The following PPFIA2 variants were observed in gnomAD, a reference collection of about 807,000 sequenced individuals.
PPFIA2 encodes PPFI scaffold protein A2.
In PPFIA2, 46 loss-of-function variants were observed where a neutral mutation model predicts 175.5. The ratio of observed to expected loss-of-function variants is 0.26; its 90% CI spans 0.21 to 0.34. The LOEUF is 0.34. Among genes scored for constraint, PPFIA2 ranks in the 10% least tolerant of loss-of-function variants. PPFIA2 has a pLI of 1.00. For missense variants in PPFIA2, 1,179 were observed against 1,506.1 expected, an observed-to-expected ratio of 0.78 and a Z score of 3.60; for synonymous variants, 568 against 511.4, an observed-to-expected ratio of 1.11 and a Z score of -1.49.
In PPFIA2 at chr12:81,288,171, C is replaced by G. The variant is rs141580697; in HGVS notation, c.2926-3868G>C. 6.1e-3 allele frequency among the ~76,000 whole-genome samples: 933 copies of G among 151,924 alleles called. 23 individuals are homozygous for G. Among genetic ancestry groups the G allele is most frequent in the African/African-American group, 0.022 (899 of 41,506 alleles). ...TGTCTAAATTTCAGGTTCTGCACTT[C>G]TTAAGTGGGACTAAAAGTGCATGCT... On this transcript the variant is annotated intron_variant, in intron 24 of 32. Transcript: ENST00000549396.
rs1292384090 is a variant in PPFIA2 at position 81,347,726 on chromosome 12, T to G, written c.2039A>C (p.Glu680Ala). The change falls in exon 18 of 33, where the codon GAA becomes GCA. Residue 680 changes from glutamate (E) to alanine (A), a missense_variant. This residue lies in a region of PPFIA2 where 223 missense variants were observed against 241.6 expected (regional missense o/e 0.92). Transcript: ENST00000549396. ...EKESTELRAE[E>A]IENRVASVSL... The stretch of plus-strand genomic sequence containing the variant: ...CACACTAGCCACTCTATTTTCAATT[T>G]CTTCAGCACGCAACTCTGTAGATTC... 3 of 1,613,916 alleles carry G rather than the reference T, an allele frequency of 1.9e-6. No individual in the cohort carries two copies. Among genetic ancestry groups the G allele is most frequent in the Non-Finnish European group, 2.5e-6 (3 of 1,179,828 alleles).
At chr12:81,352,549 C>T (rs1566369173) in intron 17 of PPFIA2, among the ~76,000 whole-genome samples, 1 of 151,844 alleles carries the variant, frequency 6.6e-6, no homozygotes, top group African/African-American at 2.4e-5. Context: ...ATACCTTCAT[C>T]TTGGACCTTC....
chr12:81,718,800 G>C (rs1206071369), intron 3 of PPFIA2, among the ~76,000 whole-genome samples: 1 of 151,624 alleles, frequency 6.6e-6, no homozygotes, highest in African/African-American at 2.4e-5. Context: ...AACTGTGAGA[G>C]GATGAGAGAC....
At chr12:81,568,609 G>A (rs2071837444) in intron 4 of PPFIA2, among the ~76,000 whole-genome samples, 1 of 152,174 alleles carries the variant, frequency 6.6e-6, no homozygotes. Flanking sequence ...TTTGATCTGA[G>A]AACTCATAAG....
chr12:81,612,804 G>A (rs780707254), intron 4 of PPFIA2, among the ~76,000 whole-genome samples: 146 of 152,268 alleles, frequency 9.6e-4, no homozygotes, highest in South Asian at 1.0e-3. Flanking sequence ...ATGTGTGTAT[G>A]TATATGTGTG....
At chr12:81,565,602 A>G (rs545655830) in intron 4 of PPFIA2, among the ~76,000 whole-genome samples, 1 of 152,320 alleles carries the variant, frequency 6.6e-6, no homozygotes, top group African/African-American at 2.4e-5. Flanking sequence ...ATAGCCTGAG[A>G]AAAATATTTT....
At chr12:81,654,632 T>C (rs2067505492) in intron 4 of PPFIA2, among the ~76,000 whole-genome samples, 1 of 152,078 alleles carries the variant, frequency 6.6e-6, no homozygotes, top group Non-Finnish European at 1.5e-5. Flanking sequence ...AAAATAAACA[T>C]GAGCTCCAAA....
At chr12:81,570,598 G>GT (rs1255133859) in intron 4 of PPFIA2, among the ~76,000 whole-genome samples, 4 of 151,584 alleles carry the variant, frequency 2.6e-5, no homozygotes, top group Admixed American at 1.3e-4. Flanking sequence ...TGCAATCTTG[G>GT]TTTTAAAAAT....
At chr12:81,496,106 C>T (rs1380084533) in intron 4 of PPFIA2, among the ~76,000 whole-genome samples, 1 of 152,014 alleles carries the variant, frequency 6.6e-6, no homozygotes, top group Non-Finnish European at 1.5e-5. Flanking sequence ...GAGCAATGCA[C>T]AATAAAAGAA....
intron 6 of PPFIA2, among the ~76,000 whole-genome samples, chr12:81,442,660 T>C (rs1344998082): frequency 6.6e-6 from 1 of 150,922 alleles, no homozygotes; most frequent in Non-Finnish European, 1.5e-5. Context: ...GAATATTCTA[T>C]GCTACAACTT....
intron 3 of PPFIA2, among the ~76,000 whole-genome samples, chr12:81,750,957 T>C (rs1338690440): frequency 3.9e-5 from 6 of 152,304 alleles, no homozygotes; most frequent in South Asian, 4.1e-4. Context: ...GTCACATTTA[T>C]GGTAGTTATT....
At chr12:81,561,836 T>C (rs191087718) in intron 4 of PPFIA2, among the ~76,000 whole-genome samples, 115 of 152,314 alleles carry the variant, frequency 7.6e-4, no homozygotes, top group Non-Finnish European at 1.3e-3. Context: ...CTTAAAAAAA[T>C]TAACTGCTTA....
intron 4 of PPFIA2, among the ~76,000 whole-genome samples, chr12:81,467,877 T>G (rs992765166): frequency 8.5e-5 from 13 of 152,172 alleles, no homozygotes; most frequent in African/African-American, 3.1e-4. Context: ...CTGACCCAGG[T>G]GGGAAGGATG....
chr12:81,723,091 A>G (rs2079562963), intron 3 of PPFIA2, among the ~76,000 whole-genome samples: 1 of 151,126 alleles, frequency 6.6e-6, no homozygotes, highest in African/African-American at 2.4e-5. Flanking sequence ...TGCACATATT[A>G]AAGCATATAA....
At chr12:81,402,430 T>C (rs1566665805) in intron 8 of PPFIA2, among the ~76,000 whole-genome samples, 1 of 152,194 alleles carries the variant, frequency 6.6e-6, no homozygotes, top group Admixed American at 6.5e-5. Flanking sequence ...AATCATGTCA[T>C]GGAGGATGAT....
intron 4 of PPFIA2, among the ~76,000 whole-genome samples, chr12:81,496,190 T>A (rs1257743631): frequency 6.6e-6 from 1 of 152,164 alleles, no homozygotes; most frequent in Non-Finnish European, 1.5e-5. Flanking sequence ...ATAAGCATTT[T>A]AAAATGGATA....
chr12:81,413,268 G>A (rs573026640), intron 7 of PPFIA2, among the ~76,000 whole-genome samples: 32 of 151,642 alleles, frequency 2.1e-4, no homozygotes, highest in African/African-American at 7.7e-4. Context: ...CAGGCTACAT[G>A]AATGAAAAAA....
At chr12:81,322,711 T>G (rs1019676620) in intron 22 of PPFIA2, among the ~76,000 whole-genome samples, 2 of 152,120 alleles carry the variant, frequency 1.3e-5, no homozygotes, top group African/African-American at 4.8e-5. Flanking sequence ...CAACAATAGA[T>G]TGACTTTAGG....
intron 11 of PPFIA2, chr12:81,369,423 T>A (rs540381921): frequency 7.4e-7 from 1 of 1,357,142 alleles, no homozygotes; most frequent in East Asian, 3.2e-5. Context: ...TTATGAGCAA[T>A]GAAATCAGCC....
Sources: allele counts gnomAD v4.1 joint callset (sites outside exome capture counted in the v4.1 genomes callset), GRCh38; gene constraint gnomAD v4.1.1; regional missense constraint gnomAD v4.1.1; transcripts MANE v1.5; gene names NCBI Gene and HGNC (gene_info 2026-07-23, HGNC 2026-07-21).